SENP6: variants seen among roughly 807,000 people sequenced by gnomAD.
The protein encoded by SENP6 is sentrin-specific protease 6.
Under a neutral mutation model 134.5 loss-of-function variants are expected in SENP6, and 41 were observed. That is an observed-to-expected ratio of 0.30 (90% CI 0.24 to 0.40). The LOEUF (loss-of-function observed/expected upper bound fraction) is 0.40. Among genes scored for constraint, SENP6 ranks in the 10% least tolerant of loss-of-function variants. SENP6 has a pLI of 1.00. For synonymous variants in SENP6, 395 were observed against 429.8 expected, an observed-to-expected ratio of 0.92 and a Z score of 1.00; for missense variants, 1,248 against 1,312.5, an observed-to-expected ratio of 0.95 and a Z score of 0.76.
At chr6:75,644,621 A>C (rs745635292) in intron 6 of SENP6, among the ~76,000 whole-genome samples, 4 of 152,094 alleles carry the variant, frequency 2.6e-5, no homozygotes, top group Non-Finnish European at 5.9e-5. Flanking sequence ...AGTAGCTGGG[A>C]TTACAGGCAT....
intron 20 of SENP6, among the ~76,000 whole-genome samples, chr6:75,710,226 T>C (rs989839712): frequency 2.0e-5 from 3 of 152,208 alleles, no homozygotes; most frequent in African/African-American, 7.2e-5. Context: ...ATATGTGTCA[T>C]GGCAGAAGCA....
intron 16 of SENP6, among the ~76,000 whole-genome samples, chr6:75,680,440 T>C (rs1286362906): frequency 1.3e-5 from 2 of 152,142 alleles, no homozygotes; most frequent in East Asian, 3.9e-4. Context: ...ATTGCTTATG[T>C]AGGGATATAG....
chr6:75,629,000 C>A (rs1768909405), intron 3 of SENP6, among the ~76,000 whole-genome samples: 1 of 152,190 alleles, frequency 6.6e-6, no homozygotes, highest in South Asian at 2.1e-4. Context: ...GCTGGAATTA[C>A]AGGCATAAGC....
At chr6:75,659,492 C>T (rs1317420440) in intron 8 of SENP6, 85 bp downstream of exon 8, 8 of 1,280,728 alleles carry the variant, frequency 6.2e-6, no homozygotes, top group Non-Finnish European at 8.7e-6. Flanking sequence ...TCTAGGTGAT[C>T]TTTTATCATA....
intron 21 of SENP6, among the ~76,000 whole-genome samples, chr6:75,711,820 G>A (rs1421246082): frequency 3.3e-5 from 5 of 152,146 alleles, no homozygotes; most frequent in Admixed American, 2.0e-4. Context: ...CTACAGGTGC[G>A]TGCCACCATG....
chr6:75,612,608 G>A (rs1012833213), intron 1 of SENP6, among the ~76,000 whole-genome samples: 1 of 152,132 alleles, frequency 6.6e-6, no homozygotes, highest in Non-Finnish European at 1.5e-5. Context: ...AGGATTATAG[G>A]TGTGAGCTGT....
chr6:75,669,278 C>T (rs1772485726), intron 10 of SENP6, among the ~76,000 whole-genome samples: 1 of 151,872 alleles, frequency 6.6e-6, no homozygotes, highest in Non-Finnish European at 1.5e-5. Context: ...CTTGAACCCC[C>T]TAGGGAGGTG....
chr6:75,642,734 AAC>A (rs1423999698), intron 6 of SENP6, among the ~76,000 whole-genome samples: 4 of 152,348 alleles, frequency 2.6e-5, no homozygotes, highest in South Asian at 2.1e-4. Flanking sequence ...GAGATTTTTA[AAC>A]ACAGTCTTTT....
rs753155552 is a variant in SENP6, at chr6:75,677,142, T to A, written c.1734T>A (p.Asn578Lys). ...TTGGTATAAAGAATAACATCTCCAA[T>A]TTTTTTGCGAAAATTCCCTTTGAAG... ...NEIGIKNNIS[N>K]FFAKIPFEEA... Residue 578 changes from asparagine to lysine, a missense_variant, in exon 14 of 24, where the codon AAT becomes AAA. This residue lies in a region of SENP6 where 733 missense variants were observed against 725.4 expected (regional missense o/e 1.01). Transcript: ENST00000447266. 6.2e-7 allele frequency: 1 copy of A among 1,611,398 alleles called. No homozygotes were observed. The highest frequency in any genetic ancestry group is 1.1e-5 in the South Asian group (1 of 90,772).
At chr6:75,628,885 A>G (rs1561981719) in intron 3 of SENP6, among the ~76,000 whole-genome samples, 1 of 151,932 alleles carries the variant, frequency 6.6e-6, no homozygotes, top group African/African-American at 2.4e-5. Flanking sequence ...ACGTCTGACT[A>G]ATTTTTGTAT....
At chr6:75,633,530 A>C (rs1298677496) in intron 3 of SENP6, 51 bp from the exon 4 acceptor site, 2 of 1,465,274 alleles carry the variant, frequency 1.4e-6, no homozygotes, top group Non-Finnish European at 1.8e-6. Context: ...TTGTTGATAG[A>C]TTGTCACATT....
At chr6:75,695,647 G>T (rs2149894691) in intron 16 of SENP6, among the ~76,000 whole-genome samples, 157 bp from the exon 17 acceptor site, 1 of 152,286 alleles carries the variant, frequency 6.6e-6, no homozygotes, top group South Asian at 2.1e-4. Context: ...TGAAGCAGGA[G>T]AATCACTTGA....
intron 2 of SENP6, chr6:75,622,916 A>G: frequency 2.6e-6 from 2 of 757,280 alleles, no homozygotes; most frequent in Non-Finnish European, 3.7e-6. Context: ...TTTCTTTTAT[A>G]CTTTTTCTGA....
intron 7 of SENP6, among the ~76,000 whole-genome samples, chr6:75,653,660 G>GC (rs1554166875): frequency 6.8e-6 from 1 of 146,076 alleles, no homozygotes; most frequent in African/African-American, 2.5e-5. Flanking sequence ...GGAATGTTGT[G>GC]TTTTTTTTTT....
intron 16 of SENP6, among the ~76,000 whole-genome samples, chr6:75,691,439 G>A (rs1021649700): frequency 6.6e-6 from 1 of 152,118 alleles, no homozygotes; most frequent in South Asian, 2.1e-4. Flanking sequence ...GAGTTCTGAT[G>A]ATGTTAGATT....
chr6:75,630,945 T>C (rs2149836051), intron 3 of SENP6, among the ~76,000 whole-genome samples: 1 of 152,060 alleles, frequency 6.6e-6, no homozygotes, highest in African/African-American at 2.4e-5. Flanking sequence ...TACCGTATTC[T>C]GAATAATTTC....
chr6:75,618,718 G>C (rs2149826594), intron 1 of SENP6, among the ~76,000 whole-genome samples: 1 of 152,264 alleles, frequency 6.6e-6, no homozygotes, highest in Non-Finnish European at 1.5e-5. Flanking sequence ...GTGAGTTCAG[G>C]CTGGTATGTC....
chr6:75,623,217 T>A (rs546662424), intron 2 of SENP6, among the ~76,000 whole-genome samples: 13 of 152,338 alleles, frequency 8.5e-5, no homozygotes, highest in African/African-American at 2.4e-4. Flanking sequence ...ATACATTTTT[T>A]AAAAACTGTC....
At chr6:75,656,966 G>A (rs533202367) in intron 7 of SENP6, among the ~76,000 whole-genome samples, 1 of 152,282 alleles carries the variant, frequency 6.6e-6, no homozygotes, top group Non-Finnish European at 1.5e-5. Flanking sequence ...TATAGGTATG[G>A]TGAAGAGAAG....
Sources: allele counts gnomAD v4.1 joint callset (sites outside exome capture counted in the v4.1 genomes callset), GRCh38; gene constraint gnomAD v4.1.1; regional missense constraint gnomAD v4.1.1; transcripts MANE v1.5; gene names NCBI Gene and HGNC (gene_info 2026-07-23, HGNC 2026-07-21).